ANKFY1: variants seen among roughly 807,000 people sequenced by gnomAD.
The protein encoded by ANKFY1 is ankyrin repeat and FYVE domain-containing protein 1.
A neutral mutation model predicts 128.3 loss-of-function variants in ANKFY1; 47 were observed. The ratio of observed to expected loss-of-function variants is 0.37; its 90% CI spans 0.29 to 0.47. ANKFY1 has a LOEUF of 0.47. ANKFY1 is among the 20% of genes least tolerant of loss of function. ANKFY1 has a pLI of 1.00. For missense variants in ANKFY1, 1,222 were observed against 1,510.6 expected, an observed-to-expected ratio of 0.81 and a Z score of 3.17; for synonymous variants, 553 against 601.6, an observed-to-expected ratio of 0.92 and a Z score of 1.18.
At chr17:4,225,313 C>T (rs2060407376) in intron 3 of ANKFY1, among the ~76,000 whole-genome samples, 1 of 152,126 alleles carries the variant, frequency 6.6e-6, no homozygotes, top group Admixed American at 6.5e-5. Flanking sequence ...CCCAAGATCA[C>T]ATCAGTGCAC....
At chr17:4,206,259 T>C in intron 7 of ANKFY1, 62 bp downstream of exon 7, 1 of 1,577,524 alleles carries the variant, frequency 6.3e-7, no homozygotes, top group Non-Finnish European at 8.7e-7. Flanking sequence ...TCAGAAAGTC[T>C]TCAAAAATTA....
At chr17:4,177,566 T>C (rs1199490877) in intron 18 of ANKFY1, among the ~76,000 whole-genome samples, 1 of 152,046 alleles carries the variant, frequency 6.6e-6, no homozygotes, top group Non-Finnish European at 1.5e-5. Context: ...CCTCCTGTAG[T>C]AGGAACTGGA....
At chr17:4,187,283 G>T (rs1174382107) in intron 11 of ANKFY1, 1 of 398,612 alleles carries the variant, frequency 2.5e-6, no homozygotes, top group Non-Finnish European at 4.4e-6. Flanking sequence ...CAATTCCTGT[G>T]AAACCTGTTC....
chr17:4,170,144 C>T (rs985715179), intron 23 of ANKFY1, among the ~76,000 whole-genome samples: 2 of 152,242 alleles, frequency 1.3e-5, no homozygotes, highest in Admixed American at 6.5e-5. Context: ...TCCTGTGCAT[C>T]GCCATCCCAT....
At chr17:4,172,906 C>G (rs1435656041) in intron 21 of ANKFY1, among the ~76,000 whole-genome samples, 1 of 152,244 alleles carries the variant, frequency 6.6e-6, no homozygotes, top group East Asian at 1.9e-4. Context: ...GTCACCCAGG[C>G]TGGAGTGCAG....
chr17:4,231,978 G>C (rs8078211), intron 3 of ANKFY1, among the ~76,000 whole-genome samples: 7,872 of 150,200 alleles, frequency 0.052, 441 homozygotes, highest in African/African-American at 0.14. Context: ...AATTAGACAA[G>C]AACATCAAAA....
intron 16 of ANKFY1, chr17:4,180,099 G>A (rs1010720139): frequency 3.8e-5 from 22 of 580,514 alleles, no homozygotes; most frequent in African/African-American, 7.5e-5. Flanking sequence ...CATCAGAATT[G>A]TTAGAAACTT....
intron 1 of ANKFY1, among the ~76,000 whole-genome samples, chr17:4,248,694 G>C (rs900613837): frequency 6.6e-6 from 1 of 152,194 alleles, no homozygotes; most frequent in Non-Finnish European, 1.5e-5. Context: ...GGGCATGGTG[G>C]CGCATGCCTG....
chr17:4,173,555 A>G, intron 20 of ANKFY1, 111 bp from the exon 21 acceptor site: 1 of 988,280 alleles, frequency 1.0e-6, no homozygotes, highest in Non-Finnish European at 1.6e-6. Flanking sequence ...CACAGCAGCG[A>G]CTGGCCACGC....
chr17:4,246,180 C>G (rs1360631755), intron 1 of ANKFY1, among the ~76,000 whole-genome samples: 1 of 152,172 alleles, frequency 6.6e-6, no homozygotes. Context: ...CAGGAGACCT[C>G]CTGGTTTAAG....
intron 3 of ANKFY1, among the ~76,000 whole-genome samples, chr17:4,226,526 G>A (rs1271111429): frequency 6.6e-6 from 1 of 151,192 alleles, no homozygotes; most frequent in South Asian, 2.1e-4. Context: ...AGAAACTAGG[G>A]AGAAAAAAGG....
Position 4,197,593 on chromosome 17 carries a change from T to G in ANKFY1, c.899-16A>C. The G allele has an allele frequency of 6.2e-7, 1 of 1,611,808 alleles. No individual in the cohort carries two copies. The highest frequency in any genetic ancestry group is 8.5e-7 in the Non-Finnish European group (1 of 1,178,688). On this transcript the variant is annotated splice_polypyrimidine_tract_variant and intron_variant, in intron 7 of 24. Coordinates refer to ENST00000341657, the MANE Select transcript of ANKFY1 (RefSeq NM_001330063.2). ...AAGAGATCTCCTTGAAAAGAAATAA[T>G]AGAAGAAACAGTGTCAGGGCAAAGT...
chr17:4,198,180 G>A (rs1273022116), intron 7 of ANKFY1, among the ~76,000 whole-genome samples: 1 of 150,920 alleles, frequency 6.6e-6, no homozygotes, highest in Non-Finnish European at 1.5e-5. Context: ...GCCTCCTTCG[G>A]TCATCTCTCA....
At position 4,196,668 on chromosome 17, in the gene ANKFY1, ATTGGGTTTAATATAGAGAATT is replaced by A. The variant is rs1404777577; in HGVS notation, c.1103+684_1103+704del. The stretch of plus-strand genomic sequence containing the variant: ...GTGGGAGTGTTTACGAGAAGGTAAA[ATTGGGTTTAATATAGAGAATT>A]TTCTAACAATTAGAATTTTCTAACA... On this transcript the variant is annotated intron_variant, in intron 8 of 24. Coordinates refer to ENST00000341657, the MANE Select transcript of ANKFY1 (RefSeq NM_001330063.2). Among the ~76,000 whole-genome samples the A allele has an allele frequency of 2.0e-5, 3 of 152,346 alleles. No homozygotes were observed. The East Asian group carries it at 5.8e-4, about 29-fold the overall frequency.
In ANKFY1 at chr17:4,173,382, T is replaced by G; in HGVS notation, c.2986A>C (p.Thr996Pro). The part of the protein sequence containing the change: ...NNIRVLLTEC[T>P]VDAEAFNLRG... ...AGATTAAAGGCTTCGGCGTCCACTGTGCACTCTGTCAGGAGAACCCGGATG... is the reference window on the plus strand; with the variant it reads ...AGATTAAAGGCTTCGGCGTCCACTGGGCACTCTGTCAGGAGAACCCGGATG... The change falls in exon 21 of 25, where the codon ACA becomes CCA. Residue 996 changes from threonine to proline, a missense_variant. Transcript: ENST00000341657. 2 of 1,614,156 alleles carry G rather than the reference T, an allele frequency of 1.2e-6. No individual in the cohort carries two copies. The highest frequency in any genetic ancestry group is 1.7e-6 in the Non-Finnish European group (2 of 1,180,008).
chr17:4,189,458 G>T lies in ANKFY1; in HGVS notation c.1394C>A (p.Ala465Glu). 1 of 1,586,490 alleles carries T rather than the reference G, an allele frequency of 6.3e-7. No homozygotes were observed. Residue 465 changes from alanine to glutamate, a missense_variant, in exon 11 of 25, where the codon GCA becomes GAA. Coordinates refer to ENST00000341657, the MANE Select transcript of ANKFY1 (RefSeq NM_001330063.2). ...TGCTGCCTCGTTTCCTGCTCCAGCT[G>T]CCCGCTGTAGTAAACAGTTTCCTAA... is the stretch of plus-strand genomic sequence containing the variant. ...TATGNCLLQR[A>E]AGAGNEAAAL... is the part of the protein sequence containing the mutation.
At chr17:4,207,289 T>C (rs1258167124) in intron 6 of ANKFY1, among the ~76,000 whole-genome samples, 1 of 152,044 alleles carries the variant, frequency 6.6e-6, no homozygotes, top group Non-Finnish European at 1.5e-5. Flanking sequence ...GTCAGAGAGA[T>C]GTGACATGAG....
At position 4,183,476 on chromosome 17, in the gene ANKFY1, A is replaced by G. The variant is rs764971183; in HGVS notation, c.1874T>C (p.Leu625Pro). 2 of 1,613,638 alleles carry G rather than the reference A, an allele frequency of 1.2e-6. No homozygotes were observed. The highest frequency in any genetic ancestry group is 1.7e-6 in the Non-Finnish European group (2 of 1,180,028). Residue 625 changes from leucine (L) to proline (P), a missense_variant, in exon 14 of 25, where the codon CTA becomes CCA. Transcript: ENST00000341657. ...CTGCCGCTGTATGGCCATGTGCAGT[A>G]GCGTCTGCCCATCCGACATGGTGTC... ...INDTMSDGQT[L>P]LHMAIQRQDS...
intron 13 of ANKFY1, 61 bp downstream of exon 13, chr17:4,183,751 C>A: frequency 6.5e-7 from 1 of 1,532,526 alleles, no homozygotes; most frequent in Non-Finnish European, 9.0e-7. Context: ...CTCTGTCCCA[C>A]CCGGCCCCAC....
Sources: allele counts gnomAD v4.1 joint callset (sites outside exome capture counted in the v4.1 genomes callset), GRCh38; gene constraint gnomAD v4.1.1; transcripts MANE v1.5; gene names NCBI Gene and HGNC (gene_info 2026-07-23, HGNC 2026-07-21).